The following ELAVL4 variants were observed in gnomAD, a reference collection of about 807,000 sequenced individuals.
ELAVL4 encodes ELAV-like protein 4.
Under a neutral mutation model 35.6 loss-of-function variants are expected in ELAVL4, and 1 was observed. The ratio of observed to expected loss-of-function variants is 0.03; its 90% CI spans 0.01 to 0.13. The LOEUF (loss-of-function observed/expected upper bound fraction) is 0.13. Among genes scored for constraint, ELAVL4 ranks in the 10% least tolerant of loss-of-function variants. The probability of loss-of-function intolerance (pLI) is 1.00; values close to 1 mark genes in which losing one functional copy is unlikely to be tolerated. For synonymous variants in ELAVL4, 156 were observed against 171.0 expected (o/e 0.91, Z 0.69); for missense variants, 267 against 464.9 (o/e 0.57, Z 3.91).
chr1:50,060,138 A>T (rs1383059801), intron 1 of ELAVL4, among the ~76,000 whole-genome samples: 1 of 152,238 alleles, frequency 6.6e-6, no homozygotes, highest in Non-Finnish European at 1.5e-5. Context: ...CCACTGTGCT[A>T]CAGAATTGAA....
At chr1:50,128,308 G>A (rs1227666819) in intron 1 of ELAVL4, among the ~76,000 whole-genome samples, 1 of 152,130 alleles carries the variant, frequency 6.6e-6, no homozygotes, top group African/African-American at 2.4e-5. Context: ...TTAAAAGAAT[G>A]AATTCACTCT....
intron 1 of ELAVL4, among the ~76,000 whole-genome samples, chr1:50,120,858 AT>A (rs1668907094): frequency 6.6e-6 from 1 of 152,026 alleles, no homozygotes; most frequent in Admixed American, 6.6e-5. Flanking sequence ...TCCAGTGCTC[AT>A]TTTGTGGGAT....
chr1:50,085,037 T>A (rs547265708), intron 1 of ELAVL4, among the ~76,000 whole-genome samples: 2 of 152,276 alleles, frequency 1.3e-5, no homozygotes, highest in African/African-American at 4.8e-5. Context: ...GATCAAAGTG[T>A]AGGAACATTT....
intron 3 of ELAVL4, among the ~76,000 whole-genome samples, chr1:50,186,835 T>C (rs994829559): frequency 1.8e-4 from 5 of 27,438 alleles, no homozygotes; most frequent in Admixed American, 1.5e-3. Flanking sequence ...AAGTTTCACC[T>C]CTGATAAAAT....
intron 3 of ELAVL4, among the ~76,000 whole-genome samples, chr1:50,178,452 A>G (rs1680459164): frequency 6.6e-6 from 1 of 152,182 alleles, no homozygotes; most frequent in Non-Finnish European, 1.5e-5. Flanking sequence ...AGAATATGTG[A>G]TTATCTTTCT....
At chr1:50,160,544 G>T (rs554149478) in intron 2 of ELAVL4, among the ~76,000 whole-genome samples, 1 of 152,166 alleles carries the variant, frequency 6.6e-6, no homozygotes, top group African/African-American at 2.4e-5. Context: ...CGAACTCCTC[G>T]ATGATAAGGA....
At chr1:50,147,002 G>A (rs769811445) in intron 2 of ELAVL4, among the ~76,000 whole-genome samples, 1 of 152,062 alleles carries the variant, frequency 6.6e-6, no homozygotes, top group Non-Finnish European at 1.5e-5. Flanking sequence ...TTGAATAGGA[G>A]TGACAGCTTC....
intron 1 of ELAVL4, among the ~76,000 whole-genome samples, chr1:50,078,022 C>A (rs1341425233): frequency 1.3e-5 from 2 of 152,108 alleles, no homozygotes; most frequent in Admixed American, 1.3e-4. Context: ...ACTAACTTCT[C>A]TGTCCCTGTT....
chr1:50,201,889 G>A lies in ELAVL4; in HGVS notation c.*711G>A, dbSNP rs1418035940. ...TTGCCAAAGAGGTGGTCTCTTTGCTGAAAATGGGTTTCAAGAAAAATCTAT... is the reference window on the plus strand; with the variant it reads ...TTGCCAAAGAGGTGGTCTCTTTGCTAAAAATGGGTTTCAAGAAAAATCTAT... On this transcript the variant is annotated 3_prime_UTR_variant, in exon 7 of 7. Coordinates refer to ENST00000371824, the MANE Select transcript of ELAVL4 (RefSeq NM_001144774.3). This position sits in a 1 kb window ranked among gnomAD's most constrained non-coding sequence, Gnocchi z 4.3. The A allele has an allele frequency of 6.6e-6, 1 of 152,008 alleles. No individual in the cohort carries two copies. The highest frequency in any genetic ancestry group is 2.4e-5 in the African/African-American group (1 of 41,398). The allele number at this position is 152,008 out of a possible 1,614,324, so 9.4% of individuals were successfully genotyped here.
chr1:50,156,087 G>A (rs929332449), intron 2 of ELAVL4, among the ~76,000 whole-genome samples: 3 of 151,444 alleles, frequency 2.0e-5, no homozygotes, highest in East Asian at 1.9e-4. Flanking sequence ...ATGTGCGCAC[G>A]CAGGCACACA....
intron 1 of ELAVL4, among the ~76,000 whole-genome samples, chr1:50,098,046 C>T (rs1011559510): frequency 6.6e-6 from 1 of 152,156 alleles, no homozygotes; most frequent in South Asian, 2.1e-4. Flanking sequence ...GTATGCATAA[C>T]ATATATGACA....
intron 1 of ELAVL4, among the ~76,000 whole-genome samples, chr1:50,113,933 A>G (rs1667511514): frequency 6.6e-6 from 1 of 152,234 alleles, no homozygotes; most frequent in South Asian, 2.1e-4. Flanking sequence ...ACTTGCAAGT[A>G]TATGTGCATC....
intron 1 of ELAVL4, among the ~76,000 whole-genome samples, chr1:50,069,563 C>G (rs543402713): frequency 6.6e-6 from 1 of 152,188 alleles, no homozygotes; most frequent in Non-Finnish European, 1.5e-5. Context: ...GATGCATAGT[C>G]TTGGTTCCCC....
chr1:50,143,617 G>A (rs897706036), intron 1 of ELAVL4, among the ~76,000 whole-genome samples: 1 of 152,150 alleles, frequency 6.6e-6, no homozygotes, highest in Non-Finnish European at 1.5e-5. Flanking sequence ...CCTTGCCAAG[G>A]TCACACAGCT....
upstream of ELAVL4, among the ~76,000 whole-genome samples, chr1:50,106,586 T>C (rs1319230763): frequency 6.6e-6 from 1 of 152,140 alleles, no homozygotes; most frequent in Non-Finnish European, 1.5e-5. Context: ...GCTTTACAAA[T>C]GTCACATCAC....
chr1:50,140,714 A>G (rs1011675597), intron 1 of ELAVL4, among the ~76,000 whole-genome samples: 1 of 152,126 alleles, frequency 6.6e-6, no homozygotes, highest in African/African-American at 2.4e-5. Flanking sequence ...CAGACAGCAC[A>G]CTTTTATTGA....
At position 50,195,678 on chromosome 1, in the gene ELAVL4, T is replaced by C; in HGVS notation, c.626T>C (p.Phe209Ser). Residue 209 changes from phenylalanine to serine, a missense_variant, in exon 5 of 7, where the codon TTT becomes TCT. Phe to Ser is a radical substitution (Grantham distance 155). Around this residue, in one of 2 missense-constraint regions of ELAVL4, gnomAD observed 216 missense variants for 409.5 expected, o/e 0.53. Transcript: ENST00000371824. Reference protein sequence around the residue: ...SGATEPITVKFANNPSQKSSQ... With the variant: ...SGATEPITVKSANNPSQKSSQ... ...GCTACGGAACCGATTACTGTGAAGT[T>C]TGCCAACAACCCCAGCCAGAAGTCC... 1 of 1,614,112 alleles carries C rather than the reference T, an allele frequency of 6.2e-7. No homozygotes were observed. Among genetic ancestry groups the C allele is most frequent in the Non-Finnish European group, 8.5e-7 (1 of 1,179,988 alleles).
chr1:50,111,527 G>A (rs1241605828), intron 1 of ELAVL4, among the ~76,000 whole-genome samples: 1 of 152,080 alleles, frequency 6.6e-6, no homozygotes, highest in African/African-American at 2.4e-5. Flanking sequence ...TATAGTTTCA[G>A]GGGAATTCAT....
intron 1 of ELAVL4, among the ~76,000 whole-genome samples, chr1:50,122,493 A>G (rs1034087273): frequency 3.3e-5 from 5 of 152,060 alleles, no homozygotes; most frequent in African/African-American, 4.8e-5. Flanking sequence ...CTAAAGAAAC[A>G]CTGTACATTT....
Sources: allele counts gnomAD v4.1 joint callset (sites outside exome capture counted in the v4.1 genomes callset), GRCh38; gene constraint gnomAD v4.1.1; regional missense constraint gnomAD v4.1.1; non-coding constraint Gnocchi (gnomAD v3.1); transcripts MANE v1.5; gene names NCBI Gene and HGNC (gene_info 2026-07-23, HGNC 2026-07-21).